The following DNM3 variants were observed in gnomAD, a reference collection of about 807,000 sequenced individuals.
DNM3 encodes the protein dynamin-3.
A neutral mutation model predicts 101.6 loss-of-function variants in DNM3; 47 were observed. That is an observed-to-expected ratio of 0.46 (90% CI 0.37 to 0.59). The LOEUF (loss-of-function observed/expected upper bound fraction) is 0.59. DNM3 is among the 20% of genes least tolerant of loss of function. The pLI is 0.00. For missense variants in DNM3, 849 were observed against 1,085.7 expected, an observed-to-expected ratio of 0.78 and a Z score of 3.06; for synonymous variants, 385 against 387.9, an observed-to-expected ratio of 0.99 and a Z score of 0.09.
chr1:172,385,073 A>G (rs908290566), intron 18 of DNM3, among the ~76,000 whole-genome samples: 3 of 152,142 alleles, frequency 2.0e-5, no homozygotes, highest in Non-Finnish European at 4.4e-5. Context: ...AATGCTTGAG[A>G]TGTCTTTGGT....
chr1:172,366,110 T>C (rs2068003491), intron 17 of DNM3, among the ~76,000 whole-genome samples: 1 of 151,854 alleles, frequency 6.6e-6, no homozygotes, highest in Admixed American at 6.6e-5. Flanking sequence ...GGCATTCACC[T>C]GTAACCCTGC....
intron 19 of DNM3, 139 bp from the exon 20 acceptor site, chr1:172,388,434 C>A: frequency 1.4e-6 from 1 of 734,366 alleles, no homozygotes; most frequent in Non-Finnish European, 2.2e-6. Flanking sequence ...CCCTTTTATC[C>A]CTTTGACTTT....
chr1:172,265,528 A>T (rs2148726971), intron 15 of DNM3, among the ~76,000 whole-genome samples: 1 of 152,278 alleles, frequency 6.6e-6, no homozygotes, highest in African/African-American at 2.4e-5. Flanking sequence ...TAACATTGTG[A>T]TACTCTGTTC....
chr1:171,974,782 C>T (rs1245478630), intron 2 of DNM3, among the ~76,000 whole-genome samples: 1 of 151,938 alleles, frequency 6.6e-6, no homozygotes, highest in Non-Finnish European at 1.5e-5. Context: ...TTGACCTGTT[C>T]CATTAATTGA....
intron 17 of DNM3, among the ~76,000 whole-genome samples, chr1:172,353,637 G>C (rs889570104): frequency 2.0e-5 from 3 of 152,042 alleles, no homozygotes; most frequent in Non-Finnish European, 4.4e-5. Context: ...ACTGAACTTA[G>C]AGCTCGGAAA....
At chr1:172,093,195 G>T (rs866167649) in intron 13 of DNM3, among the ~76,000 whole-genome samples, 1 of 152,148 alleles carries the variant, frequency 6.6e-6, no homozygotes, top group African/African-American at 2.4e-5. Context: ...TTGTGAGTCA[G>T]TTGAAGGTTA....
intron 14 of DNM3, among the ~76,000 whole-genome samples, chr1:172,152,991 G>A (rs1231867221): frequency 6.6e-6 from 1 of 152,124 alleles, no homozygotes; most frequent in African/African-American, 2.4e-5. Flanking sequence ...TGGTGATTTA[G>A]TGTTTGTACA....
At chr1:172,046,442 T>A (rs1477930833) in intron 9 of DNM3, among the ~76,000 whole-genome samples, 1 of 151,992 alleles carries the variant, frequency 6.6e-6, no homozygotes, top group Admixed American at 6.6e-5. Flanking sequence ...CATTAGGAGA[T>A]ATACCTAATG....
At chr1:171,992,881 T>G (rs1173767653) in intron 4 of DNM3, among the ~76,000 whole-genome samples, 1 of 152,132 alleles carries the variant, frequency 6.6e-6, no homozygotes, top group African/African-American at 2.4e-5. Flanking sequence ...ACTTTTTTGT[T>G]ATTTTCTTAG....
At chr1:172,024,890 C>T (rs557723925) in intron 4 of DNM3, among the ~76,000 whole-genome samples, 8 of 152,296 alleles carry the variant, frequency 5.3e-5, no homozygotes, top group East Asian at 1.9e-4. Flanking sequence ...GGGCAGACAC[C>T]GAGCTAGCTG....
chr1:172,126,240 C>A (rs1396556217), intron 13 of DNM3, among the ~76,000 whole-genome samples: 1 of 152,114 alleles, frequency 6.6e-6, no homozygotes, highest in Non-Finnish European at 1.5e-5. Context: ...GCTTCTTAAC[C>A]TTTTTATGAT....
At chr1:171,954,286 T>C (rs1386563988) in intron 2 of DNM3, among the ~76,000 whole-genome samples, 4 of 152,216 alleles carry the variant, frequency 2.6e-5, no homozygotes, top group African/African-American at 9.6e-5. Context: ...GATTCCAGCC[T>C]GGTGAGATAA....
chr1:172,255,361 TA>T (rs1472701480), intron 15 of DNM3, among the ~76,000 whole-genome samples: 2 of 152,198 alleles, frequency 1.3e-5, no homozygotes, highest in African/African-American at 2.4e-5. Flanking sequence ...CAGGAGATTC[TA>T]AAGCAATCAT....
intron 14 of DNM3, among the ~76,000 whole-genome samples, chr1:172,202,339 G>T (rs2060183626): frequency 6.6e-6 from 1 of 152,014 alleles, no homozygotes; most frequent in Non-Finnish European, 1.5e-5. Context: ...TCTAGGCCTG[G>T]TGCTTTATTT....
At chr1:172,236,185 T>G (rs80006548) in intron 14 of DNM3, among the ~76,000 whole-genome samples, 3,851 of 152,284 alleles carry the variant, frequency 0.025, 59 homozygotes, top group Middle Eastern at 0.037. Context: ...CTCTACCATG[T>G]TAGTCTACTC....
At chr1:172,331,242 G>A (rs1459909819) in intron 17 of DNM3, among the ~76,000 whole-genome samples, 1 of 152,086 alleles carries the variant, frequency 6.6e-6, no homozygotes, top group Non-Finnish European at 1.5e-5. Flanking sequence ...TACAAATAAT[G>A]TATACTGTCT....
At chr1:172,201,222 G>C (rs1477459320) in intron 14 of DNM3, among the ~76,000 whole-genome samples, 3 of 152,142 alleles carry the variant, frequency 2.0e-5, no homozygotes, top group African/African-American at 7.2e-5. Context: ...CTCTTGCTCA[G>C]TCATGTGGCT....
rs2065392232 is a variant in DNM3, at chr1:172,316,878, A to AC, written c.1882-6449dup. Among the ~76,000 whole-genome samples, 3 of 152,354 alleles carry AC rather than the reference A, an allele frequency of 2.0e-5. No homozygotes were observed. In the South Asian group the frequency reaches 6.2e-4, roughly 32 times the overall value. The stretch of plus-strand genomic sequence containing the variant: ...ACCCAGGAATTGAACTCAGCTCTGC[A>AC]CCAAGCGGACCTAATAGACATCTAC... On this transcript the variant is annotated intron_variant, in intron 16 of 20. Coordinates refer to ENST00000627582, the MANE Select transcript of DNM3 (RefSeq NM_015569.5).
At chr1:172,063,682 G>A (rs1196393470) in intron 10 of DNM3, among the ~76,000 whole-genome samples, 2 of 149,604 alleles carry the variant, frequency 1.3e-5, no homozygotes, top group East Asian at 3.9e-4. Flanking sequence ...AGGAGGCTGA[G>A]ACAGGAGCAT....
Sources: gnomAD v4.1 joint callset for allele counts (sites outside exome capture counted in the v4.1 genomes callset) on GRCh38, gnomAD v4.1.1 for gene constraint, MANE v1.5 for transcripts, NCBI Gene and HGNC (gene_info 2026-07-23, HGNC 2026-07-21) for gene names.